The following INPP4B variants were observed in gnomAD, a reference collection of about 807,000 sequenced individuals.
The protein encoded by INPP4B is inositol polyphosphate 4-phosphatase type II.
In INPP4B, 55 loss-of-function variants were observed where a neutral mutation model predicts 122.5. That is an observed-to-expected ratio of 0.45 (90% CI 0.36 to 0.56). INPP4B has a LOEUF of 0.56. INPP4B is among the 20% of genes least tolerant of loss of function. The pLI is 0.00. For synonymous variants in INPP4B, 403 were observed against 388.7 expected, an observed-to-expected ratio of 1.04 and a Z score of -0.43; for missense variants, 1,000 against 1,097.7, an observed-to-expected ratio of 0.91 and a Z score of 1.26.
At position 142,579,651 on chromosome 4, in the gene INPP4B, T is replaced by C. The variant is rs1734577274; in HGVS notation, c.-190-116925A>G. On this transcript the variant is annotated intron_variant, in intron 2 of 25. Transcript: ENST00000262992. ...TTCTTTCTGCCTGACTGCCTCTGAA[T>C]GGGACATTGGCTTTTTCTCCCCTTC... Among the ~76,000 whole-genome samples, 3 of 151,824 alleles carry C rather than the reference T, an allele frequency of 2.0e-5. No homozygotes were observed. The South Asian group carries it at 6.2e-4, about 32-fold the overall frequency.
At chr4:142,731,656 A>C (rs1479147114) in intron 1 of INPP4B, among the ~76,000 whole-genome samples, 1 of 152,168 alleles carries the variant, frequency 6.6e-6, no homozygotes, top group African/African-American at 2.4e-5. Context: ...TGAAGTCTTC[A>C]TTTCCCTTCT....
intron 25 of INPP4B, among the ~76,000 whole-genome samples, chr4:142,062,554 G>A (rs906667744): frequency 6.6e-6 from 1 of 152,072 alleles, no homozygotes; most frequent in African/African-American, 2.4e-5. Flanking sequence ...TGGTCAACAT[G>A]GTGAAATCCT....
intron 23 of INPP4B, among the ~76,000 whole-genome samples, chr4:142,088,100 C>T (rs1297709907): frequency 1.3e-5 from 2 of 152,088 alleles, no homozygotes; most frequent in African/African-American, 2.4e-5. Flanking sequence ...GAAGACATCA[C>T]ATTGTGAGGT....
chr4:142,179,755 G>A (rs1488322004), intron 15 of INPP4B, among the ~76,000 whole-genome samples: 1 of 152,016 alleles, frequency 6.6e-6, no homozygotes, highest in African/African-American at 2.4e-5. Flanking sequence ...AAATTTTCCA[G>A]GTACTATTAT....
At chr4:142,475,820 T>C (rs1580162201) in intron 2 of INPP4B, among the ~76,000 whole-genome samples, 1 of 152,010 alleles carries the variant, frequency 6.6e-6, no homozygotes, top group African/African-American at 2.4e-5. Context: ...GAAGAAAGAA[T>C]GAAACCTCTG....
At chr4:142,782,661 T>G (rs1486859303) in intron 1 of INPP4B, among the ~76,000 whole-genome samples, 9 of 152,062 alleles carry the variant, frequency 5.9e-5, no homozygotes, top group Non-Finnish European at 1.0e-4. Flanking sequence ...CCTGACTTTT[T>G]AATGATTGCC....
chr4:142,517,758 A>T (rs1215978254), intron 2 of INPP4B, among the ~76,000 whole-genome samples: 1 of 152,122 alleles, frequency 6.6e-6, no homozygotes, highest in Non-Finnish European at 1.5e-5. Context: ...CACAATTTTT[A>T]AAAAACATGG....
At chr4:142,812,775 T>C (rs1217921112) in intron 1 of INPP4B, among the ~76,000 whole-genome samples, 3 of 152,156 alleles carry the variant, frequency 2.0e-5, no homozygotes, top group East Asian at 1.9e-4. Flanking sequence ...ATCTGCAGAC[T>C]CTAGGATGAT....
At chr4:142,314,463 G>C (rs2151315607) in intron 8 of INPP4B, among the ~76,000 whole-genome samples, 1 of 152,168 alleles carries the variant, frequency 6.6e-6, no homozygotes, top group East Asian at 1.9e-4. Flanking sequence ...TACCTGCAGG[G>C]CAAAGTCTAG....
At chr4:142,559,650 C>T (rs537689140) in intron 2 of INPP4B, among the ~76,000 whole-genome samples, 183 of 152,276 alleles carry the variant, frequency 1.2e-3, no homozygotes, top group African/African-American at 4.0e-3. Context: ...CACACTTCTA[C>T]ACATATTTAT....
intron 25 of INPP4B, among the ~76,000 whole-genome samples, chr4:142,056,776 T>G (rs1166302858): frequency 6.6e-6 from 1 of 152,170 alleles, no homozygotes; most frequent in African/African-American, 2.4e-5. Context: ...TTGATAACAT[T>G]AATACTTGAT....
chr4:142,402,202 TC>T (rs1161157670), intron 7 of INPP4B, among the ~76,000 whole-genome samples: 1 of 152,150 alleles, frequency 6.6e-6, no homozygotes, highest in African/African-American at 2.4e-5. Flanking sequence ...CTCTCATAGC[TC>T]CCTGCCTTGA....
In INPP4B at chr4:142,336,408, G is replaced by T. The variant is rs772449168; in HGVS notation, c.373-21646C>A. Among the ~76,000 whole-genome samples the T allele has an allele frequency of 7.2e-5, 11 of 152,302 alleles. 1 individual carries two copies. The South Asian group carries it at 1.2e-3, about 17-fold the overall frequency. On this transcript the variant is annotated intron_variant, in intron 7 of 25. Transcript: ENST00000262992. Reference sequence around the variant, plus strand: ...ACACTTCTGGAGGCCCAGACCTTAGGACTCCTTGAGCCAGAGCTGTAACAT... The same window carrying T: ...ACACTTCTGGAGGCCCAGACCTTAGTACTCCTTGAGCCAGAGCTGTAACAT...
At chr4:142,395,619 C>A (rs919668373) in intron 7 of INPP4B, among the ~76,000 whole-genome samples, 2 of 152,160 alleles carry the variant, frequency 1.3e-5, no homozygotes, top group African/African-American at 2.4e-5. Context: ...ACATTCATTG[C>A]AGCACTATTC....
At chr4:142,143,618 T>C (rs1809022406) in intron 18 of INPP4B, among the ~76,000 whole-genome samples, 1 of 151,892 alleles carries the variant, frequency 6.6e-6, no homozygotes, top group Non-Finnish European at 1.5e-5. Context: ...TATTCATGAG[T>C]CCACATTGAT....
At chr4:142,774,038 G>A (rs1431273873) in intron 1 of INPP4B, among the ~76,000 whole-genome samples, 1 of 151,984 alleles carries the variant, frequency 6.6e-6, no homozygotes, top group East Asian at 1.9e-4. Flanking sequence ...TTAACTTTTT[G>A]TTAGTTTTCT....
intron 1 of INPP4B, among the ~76,000 whole-genome samples, chr4:142,751,304 A>C (rs1016802579): frequency 2.1e-5 from 3 of 140,338 alleles, no homozygotes; most frequent in South Asian, 2.3e-4. Flanking sequence ...AAAAAAAAAA[A>C]CAAGCCTGAT....
At chr4:142,339,613 A>G (rs573287590) in intron 7 of INPP4B, among the ~76,000 whole-genome samples, 1 of 152,298 alleles carries the variant, frequency 6.6e-6, no homozygotes, top group African/African-American at 2.4e-5. Flanking sequence ...CCCTCACACA[A>G]TAATGTTTAG....
intron 12 of INPP4B, among the ~76,000 whole-genome samples, chr4:142,230,416 CAGG>C (rs1853683125): frequency 6.6e-6 from 1 of 152,038 alleles, no homozygotes; most frequent in Non-Finnish European, 1.5e-5. Context: ...GAGGCTGAGG[CAGG>C]TGGATCACCT....
Sources: gnomAD v4.1 joint callset for allele counts (sites outside exome capture counted in the v4.1 genomes callset) on GRCh38, gnomAD v4.1.1 for gene constraint, MANE v1.5 for transcripts, NCBI Gene and HGNC (gene_info 2026-07-23, HGNC 2026-07-21) for gene names.